AHSA1: variants seen among roughly 807,000 people sequenced by gnomAD.
The protein encoded by AHSA1 is activator of HSP90 ATPase activity 1, also known as activator of 90 kDa heat shock protein ATPase homolog 1.
AHSA1 carries 14 observed loss-of-function variants against 46.1 expected under a neutral mutation model. The ratio of observed to expected loss-of-function variants is 0.30; its 90% CI spans 0.20 to 0.47. The LOEUF is 0.47. Ranked by LOEUF, AHSA1 falls within the 20% of genes least tolerant of loss-of-function variation. The pLI is 0.99. For synonymous variants in AHSA1, 147 were observed against 145.8 expected (o/e 1.01, Z -0.06); for missense variants, 333 against 415.9 (o/e 0.80, Z 1.73).
intron 1 of AHSA1, among the ~76,000 whole-genome samples, 176 bp from the exon 2 acceptor site, chr14:77,459,440 A>G (rs1222007043): frequency 3.3e-5 from 5 of 152,122 alleles, no homozygotes; most frequent in African/African-American, 9.7e-5. Context: ...ACAGTGTGCA[A>G]CCCCTTGTCT....
rs2079028487 is a variant in AHSA1 at position 77,462,184 on chromosome 14, A to G, written c.296A>G (p.Tyr99Cys). The change falls in exon 3 of 9, where the codon TAC (tyrosine) becomes TGC (cysteine). Residue 99 changes from tyrosine to cysteine, a missense_variant. Tyr to Cys is a radical substitution (Grantham distance 194, BLOSUM62 -2). Coordinates refer to ENST00000216479, the MANE Select transcript of AHSA1 (RefSeq NM_012111.3). ...WTGTSKSGVQYKGHVEIPNLS... is the reference protein window; with the variant it reads ...WTGTSKSGVQCKGHVEIPNLS... Reference sequence around the variant, plus strand: ...GGTACTTCTAAGTCAGGAGTACAATACAAAGGACATGTGGAGATCCCCAAT... The same window carrying G: ...GGTACTTCTAAGTCAGGAGTACAATGCAAAGGACATGTGGAGATCCCCAAT... 6.2e-7 allele frequency: 1 copy of G among 1,613,274 alleles called. No individual in the cohort carries two copies. Among genetic ancestry groups the G allele is most frequent in the Admixed American group, 1.7e-5 (1 of 60,008 alleles).
chr14:77,459,816 A>G lies in AHSA1; in HGVS notation c.271+10A>G, dbSNP rs764821413. 3 of 1,613,960 alleles carry G rather than the reference A, an allele frequency of 1.9e-6. No homozygotes were observed. In the South Asian group the frequency reaches 3.3e-5, roughly 18 times the overall value. ...AAACTAAACTGGACAGGTAAGTCTA[A>G]GCTGGGCTGTCAGAGAGATTAACTG... On this transcript the variant is annotated intron_variant, in intron 2 of 8. Transcript: ENST00000216479.
At chr14:77,462,579 C>T in intron 3 of AHSA1, 63 bp from the exon 4 acceptor site, 1 of 1,470,650 alleles carries the variant, frequency 6.8e-7, no homozygotes, top group Non-Finnish European at 9.5e-7. Context: ...TGCTCAGCCC[C>T]CACATTCCAT....
intron 5 of AHSA1, 138 bp from the exon 6 acceptor site, chr14:77,465,401 C>A: frequency 1.1e-6 from 1 of 944,678 alleles, no homozygotes. Context: ...CACTCAAATT[C>A]CCTTCAAACC....
intron 2 of AHSA1, among the ~76,000 whole-genome samples, chr14:77,460,640 A>G (rs1293791245): frequency 6.7e-6 from 1 of 149,748 alleles, no homozygotes; most frequent in Non-Finnish European, 1.5e-5. Context: ...ATCTTGGCTC[A>G]CTGCAACCTC....
intron 1 of AHSA1, among the ~76,000 whole-genome samples, 182 bp from the exon 2 acceptor site, chr14:77,459,434 T>C (rs183693270): frequency 9.2e-5 from 14 of 152,352 alleles, no homozygotes; most frequent in African/African-American, 3.4e-4. Flanking sequence ...TTGTTGACAG[T>C]GTGCAACCCC....
At chr14:77,468,541 G>A in intron 8 of AHSA1, 33 bp downstream of exon 8, 4 of 1,491,134 alleles carry the variant, frequency 2.7e-6, no homozygotes, top group East Asian at 2.3e-5. Flanking sequence ...ATTACCCCCA[G>A]AACTTTTTCT....
rs1472167185 is a variant in AHSA1 at position 77,462,175 on chromosome 14, G to C, written c.287G>C (p.Gly96Ala). The C allele has an allele frequency of 1.2e-6, 2 of 1,611,978 alleles. No individual in the cohort carries two copies. The highest frequency in any genetic ancestry group is 1.7e-5 in the Admixed American group (1 of 60,000). Residue 96 changes from glycine (G) to alanine (A), a missense_variant, in exon 3 of 9, where the codon GGA becomes GCA. Physicochemically the swap from Gly to Ala is moderately conservative, Grantham distance 60. Transcript: ENST00000216479. Reference protein sequence around the residue: ...KLNWTGTSKSGVQYKGHVEIP... With the variant: ...KLNWTGTSKSAVQYKGHVEIP... ...GTTTTGACAGGTACTTCTAAGTCAG[G>C]AGTACAATACAAAGGACATGTGGAG...
chr14:77,459,940 A>G (rs1347858236), intron 2 of AHSA1, 134 bp downstream of exon 2: 1 of 966,226 alleles, frequency 1.0e-6, no homozygotes, highest in Non-Finnish European at 1.6e-6. Flanking sequence ...AGTCCTATGT[A>G]AAGCAGTATC....
intron 2 of AHSA1, chr14:77,460,298 G>A (rs1247660836): frequency 5.4e-6 from 1 of 183,616 alleles, no homozygotes; most frequent in Non-Finnish European, 1.2e-5. Flanking sequence ...AAAAAATTGA[G>A]GTCATGCGTA....
At chr14:77,468,816 A>C (rs1446600861) in intron 8 of AHSA1, 1 of 607,618 alleles carries the variant, frequency 1.6e-6, no homozygotes, top group African/African-American at 1.9e-5. Flanking sequence ...TCCTGGGCTC[A>C]AGTGATCCTC....
At chr14:77,465,338 T>A (rs1242410254) in intron 5 of AHSA1, among the ~76,000 whole-genome samples, 1 of 152,266 alleles carries the variant, frequency 6.6e-6, no homozygotes, top group African/African-American at 2.4e-5. Context: ...TTATTTTTAC[T>A]GGGAATTGAG....
At chr14:77,457,937 GA>G (rs1470812757), upstream of AHSA1, 6 of 509,102 alleles carry the variant, frequency 1.2e-5, no homozygotes, top group Non-Finnish European at 2.1e-5. Context: ...TTTTTGGGGA[GA>G]ACCCGATGGA....
intron 4 of AHSA1, 54 bp downstream of exon 4, chr14:77,462,813 C>A: frequency 1.3e-6 from 2 of 1,495,396 alleles, no homozygotes; most frequent in African/African-American, 1.4e-5. Context: ...ACCTGTTAGA[C>A]TCTGGTTAAG....
intron 4 of AHSA1, chr14:77,463,133 A>T: frequency 4.7e-6 from 1 of 211,478 alleles, no homozygotes; most frequent in South Asian, 7.8e-5. Context: ...TACAAAAATT[A>T]GCTGGATGCG....
chr14:77,462,275 C>T, intron 3 of AHSA1, 33 bp downstream of exon 3: 1 of 1,567,092 alleles, frequency 6.4e-7, no homozygotes, highest in East Asian at 2.2e-5. Context: ...TCCGAGTCCT[C>T]TATATCCTCT....
At chr14:77,464,133 C>T (rs952140634) in intron 4 of AHSA1, among the ~76,000 whole-genome samples, 1 of 152,236 alleles carries the variant, frequency 6.6e-6, no homozygotes, top group African/African-American at 2.4e-5. Flanking sequence ...AATCCCAGCA[C>T]TTTTGGAGGC....
At chr14:77,462,426 A>G in intron 3 of AHSA1, 184 bp downstream of exon 3, 1 of 720,864 alleles carries the variant, frequency 1.4e-6, no homozygotes, top group Non-Finnish European at 2.3e-6. Context: ...CACTTCTTTA[A>G]TTTCTTCACT....
At position 77,462,135 on chromosome 14, in the gene AHSA1, A is replaced by G. The variant is rs767898625; in HGVS notation, c.272-25A>G. On this transcript the variant is annotated intron_variant, in intron 2 of 8. Transcript: ENST00000216479. The stretch of plus-strand genomic sequence containing the variant: ...GACCTTTCCTGCCAAGGAGTGGACT[A>G]ATGACATTGCATTGGTTTTGACAGG... 2.6e-6 allele frequency: 4 copies of G among 1,566,226 alleles called. 1 individual carries two copies. The highest frequency in any genetic ancestry group is 1.3e-5 in the African/African-American group (1 of 74,086).
Sources: allele counts gnomAD v4.1 joint callset (sites outside exome capture counted in the v4.1 genomes callset), GRCh38; gene constraint gnomAD v4.1.1; transcripts MANE v1.5; gene names NCBI Gene and HGNC (gene_info 2026-07-23, HGNC 2026-07-21).